The following FAM135B variants were observed in gnomAD, a reference collection of about 807,000 sequenced individuals.
FAM135B encodes the protein protein FAM135B.
In FAM135B, 43 loss-of-function variants were observed where a neutral mutation model predicts 127.7. That is an observed-to-expected ratio of 0.34 (90% CI 0.26 to 0.43). FAM135B has a LOEUF of 0.43. Ranked by LOEUF, FAM135B falls within the 20% of genes least tolerant of loss-of-function variation. FAM135B has a pLI of 1.00. For missense variants in FAM135B, 1,558 were observed against 1,725.6 expected (o/e 0.90, Z 1.72); for synonymous variants, 670 against 665.1 (o/e 1.01, Z -0.11).
chr8:138,462,502 T>G (rs1471052998), intron 1 of FAM135B, among the ~76,000 whole-genome samples: 2 of 152,078 alleles, frequency 1.3e-5, no homozygotes, highest in East Asian at 3.9e-4. Context: ...GAGCTGTGGG[T>G]TTCCAACTCT....
At chr8:138,198,801 G>A (rs1313002751) in intron 7 of FAM135B, among the ~76,000 whole-genome samples, 1 of 126,474 alleles carries the variant, frequency 7.9e-6, no homozygotes, top group Non-Finnish European at 1.6e-5. Flanking sequence ...CAACAGAGAA[G>A]GATGTCCTGA....
chr8:138,373,102 G>A (rs1217294526), intron 1 of FAM135B, among the ~76,000 whole-genome samples: 1 of 152,154 alleles, frequency 6.6e-6, no homozygotes, highest in Admixed American at 6.5e-5. Flanking sequence ...ACCAGAAGGT[G>A]ATGTCACAAA....
chr8:138,153,570 A>G (rs1818393722), intron 12 of FAM135B, among the ~76,000 whole-genome samples: 1 of 152,192 alleles, frequency 6.6e-6, no homozygotes, highest in Non-Finnish European at 1.5e-5. Flanking sequence ...TACCTGGAAA[A>G]TCAGGACACT....
intron 1 of FAM135B, among the ~76,000 whole-genome samples, chr8:138,468,728 C>T (rs1242594575): frequency 6.6e-6 from 1 of 152,086 alleles, no homozygotes; most frequent in Non-Finnish European, 1.5e-5. Flanking sequence ...ATTACTTTTG[C>T]ACCAACCTAA....
At chr8:138,221,698 T>C (rs574790908) in intron 7 of FAM135B, among the ~76,000 whole-genome samples, 4 of 152,160 alleles carry the variant, frequency 2.6e-5, no homozygotes, top group Non-Finnish European at 4.4e-5. Flanking sequence ...GGAGATTACC[T>C]CAGTGATTGG....
At chr8:138,165,312 G>T (rs570780946) in intron 12 of FAM135B, among the ~76,000 whole-genome samples, 2 of 152,060 alleles carry the variant, frequency 1.3e-5, no homozygotes, top group Admixed American at 1.3e-4. Context: ...AAGAGATGGG[G>T]TGTCTTCATG....
intron 9 of FAM135B, among the ~76,000 whole-genome samples, chr8:138,193,171 G>T (rs1018580873): frequency 3.3e-5 from 5 of 152,216 alleles, no homozygotes; most frequent in Admixed American, 1.3e-4. Context: ...AAGGCCTGCT[G>T]CATGTGAGCA....
At chr8:138,138,697 T>A (rs1308087195) in intron 18 of FAM135B, among the ~76,000 whole-genome samples, 1 of 152,224 alleles carries the variant, frequency 6.6e-6, no homozygotes, top group African/African-American at 2.4e-5. Context: ...GCCTATGCAA[T>A]GAGAACATTG....
intron 2 of FAM135B, among the ~76,000 whole-genome samples, chr8:138,335,708 G>C (rs1231365828): frequency 6.6e-6 from 1 of 152,074 alleles, no homozygotes. Context: ...GAGACAGAAA[G>C]TTAACAAGGA....
intron 2 of FAM135B, chr8:138,358,416 C>G (rs1355791657): frequency 1.3e-5 from 2 of 152,276 alleles, no homozygotes; most frequent in East Asian, 1.9e-4. Context: ...CACTGACCAG[C>G]TGAGGATGTT....
intron 1 of FAM135B, among the ~76,000 whole-genome samples, chr8:138,496,158 C>T (rs1815384045): frequency 6.6e-6 from 1 of 152,226 alleles, no homozygotes; most frequent in African/African-American, 2.4e-5. Flanking sequence ...GGGCTTGAAG[C>T]TGGCTCTACA....
At chr8:138,482,702 GT>G (rs1197528964) in intron 1 of FAM135B, among the ~76,000 whole-genome samples, 5 of 152,040 alleles carry the variant, frequency 3.3e-5, no homozygotes, top group Admixed American at 3.3e-4. Flanking sequence ...TTCTTGCATT[GT>G]TTGATGAAAG....
chr8:138,493,223 T>C (rs1815269769), intron 1 of FAM135B, among the ~76,000 whole-genome samples: 1 of 152,200 alleles, frequency 6.6e-6, no homozygotes, highest in Non-Finnish European at 1.5e-5. Context: ...ATATTAGCGA[T>C]GTCCGTGAAT....
At chr8:138,212,379 C>A (rs1246730687) in intron 7 of FAM135B, among the ~76,000 whole-genome samples, 2 of 152,050 alleles carry the variant, frequency 1.3e-5, no homozygotes, top group African/African-American at 2.4e-5. Context: ...CAAATATTGC[C>A]CCGCTTTTCC....
In FAM135B at chr8:138,141,098, C is replaced by A. The variant is rs372796589; in HGVS notation, c.3790+100G>T. The A allele has an allele frequency of 2.2e-5, 26 of 1,164,592 alleles. No individual in the cohort carries two copies. The highest frequency in any genetic ancestry group is 1.7e-4 in the Admixed American group (8 of 46,464). The allele number at this position is 1,164,592 out of a possible 1,614,324, so 72.1% of individuals were successfully genotyped here. A position where few individuals can be genotyped will look rare whatever the true frequency, so the allele number is the denominator to read the frequency against. ...TCCATGCCATGCTTGGAAAAGACTG[C>A]ACAGTCACAGGGTTCCAAGTGGAAG... On this transcript the variant is annotated intron_variant, in intron 17 of 19. Coordinates refer to ENST00000395297, the MANE Select transcript of FAM135B (RefSeq NM_015912.4). This position sits in a 1 kb window ranked among gnomAD's most constrained non-coding sequence, Gnocchi z 4.7.
At chr8:138,404,791 C>T (rs906818126) in intron 1 of FAM135B, among the ~76,000 whole-genome samples, 1 of 152,134 alleles carries the variant, frequency 6.6e-6, no homozygotes, top group Non-Finnish European at 1.5e-5. Context: ...GGCTCCACTT[C>T]TAATTGTAGT....
Position 138,242,722 on chromosome 8 carries a change from A to C in FAM135B, c.669+220T>G, listed in dbSNP as rs1820922769. 6.6e-6 allele frequency among the ~76,000 whole-genome samples: 1 copy of C among 152,166 alleles called. No homozygotes were observed. Among genetic ancestry groups the C allele is most frequent in the Admixed American group, 6.5e-5 (1 of 15,270 alleles). On this transcript the variant is annotated intron_variant, in intron 7 of 19. Coordinates refer to ENST00000395297, the MANE Select transcript of FAM135B (RefSeq NM_015912.4). This position sits in a 1 kb window ranked among gnomAD's most constrained non-coding sequence, Gnocchi z 9.6. ...ACCACATATAACAAGTATCATATGA[A>C]GACCATATTCCCTGTATCTATCCCA...
chr8:138,345,276 G>T (rs921028457), intron 2 of FAM135B, among the ~76,000 whole-genome samples: 1 of 152,174 alleles, frequency 6.6e-6, no homozygotes, highest in African/African-American at 2.4e-5. Flanking sequence ...TAAGTGGTAG[G>T]ACAAAGGAGA....
intron 4 of FAM135B, among the ~76,000 whole-genome samples, chr8:138,264,061 T>C (rs1461142445): frequency 1.3e-5 from 2 of 152,220 alleles, no homozygotes; most frequent in East Asian, 3.9e-4. Flanking sequence ...CTCCTGCTCC[T>C]TTCCCCTCCC....
Sources: gnomAD v4.1 joint callset for allele counts (sites outside exome capture counted in the v4.1 genomes callset) on GRCh38, gnomAD v4.1.1 for gene constraint, Gnocchi (gnomAD v3.1) non-coding constraint, MANE v1.5 for transcripts, NCBI Gene and HGNC (gene_info 2026-07-23, HGNC 2026-07-21) for gene names.